The following FBXL17 variants were observed in gnomAD, a reference collection of about 807,000 sequenced individuals.
FBXL17 encodes F-box and leucine rich repeat protein 17.
In FBXL17, 22 loss-of-function variants were observed where a neutral mutation model predicts 66.2. That is an observed-to-expected ratio of 0.33 (90% CI 0.24 to 0.47). The LOEUF (loss-of-function observed/expected upper bound fraction) is 0.47. Among genes scored for constraint, FBXL17 ranks in the 20% least tolerant of loss-of-function variants. The probability of loss-of-function intolerance (pLI) is 1.00; values close to 1 mark genes in which losing one functional copy is unlikely to be tolerated. For missense variants in FBXL17, 878 were observed against 948.2 expected (o/e 0.93, Z 0.97); for synonymous variants, 474 against 400.5 (o/e 1.18, Z -2.19).
intron 7 of FBXL17, among the ~76,000 whole-genome samples, chr5:108,005,263 C>A (rs1050714614): frequency 6.6e-6 from 1 of 152,014 alleles, no homozygotes; most frequent in Admixed American, 6.5e-5. Flanking sequence ...CTGGACGATA[C>A]GTAAAGTATC....
At position 108,367,914 on chromosome 5, in the gene FBXL17, C is replaced by A; in HGVS notation, c.1033G>T (p.Ala345Ser). ...NLSLDERCLS[A>S]SLVCKYWRDL... ...CGCCAGTACTTGCAAACCAATGATG[C>A]GGAAAGGCAACGCTCATCCAGTGAC... The change falls in exon 2 of 9, where the codon GCA becomes TCA. Residue 345 changes from alanine to serine, a missense_variant. Physicochemically the swap from Ala to Ser is moderately conservative, Grantham distance 99. Around this residue, in one of 4 missense-constraint regions of FBXL17, gnomAD observed 6 missense variants for 22.6 expected, o/e 0.27. Coordinates refer to ENST00000542267, the MANE Select transcript of FBXL17 (RefSeq NM_001163315.3). 6.5e-7 allele frequency: 1 copy of A among 1,550,372 alleles called. No individual in the cohort carries two copies. The highest frequency in any genetic ancestry group is 8.7e-7 in the Non-Finnish European group (1 of 1,146,072).
intron 4 of FBXL17, among the ~76,000 whole-genome samples, chr5:108,263,284 T>C (rs1465637779): frequency 3.9e-5 from 6 of 152,022 alleles, no homozygotes; most frequent in Non-Finnish European, 7.4e-5. Context: ...CAAAATTAAA[T>C]TGAAAATAAA....
intron 7 of FBXL17, among the ~76,000 whole-genome samples, chr5:107,890,371 A>G (rs77205724): frequency 5.5e-4 from 84 of 151,856 alleles, no homozygotes; most frequent in Admixed American, 1.2e-3. Flanking sequence ...AAAAAAAAAA[A>G]CTGTCTGAAG....
intron 4 of FBXL17, among the ~76,000 whole-genome samples, chr5:108,316,222 A>G (rs1759355633): frequency 6.6e-6 from 1 of 150,442 alleles, no homozygotes; most frequent in Non-Finnish European, 1.5e-5. Context: ...TTCAAAGGAG[A>G]AAAAAAAACA....
At chr5:108,145,039 G>C (rs1300769648) in intron 6 of FBXL17, among the ~76,000 whole-genome samples, 1 of 151,994 alleles carries the variant, frequency 6.6e-6, no homozygotes, top group Non-Finnish European at 1.5e-5. Context: ...AAGAAAAAAT[G>C]GCATTAAGTA....
intron 6 of FBXL17, among the ~76,000 whole-genome samples, chr5:108,108,436 C>A (rs1749896328): frequency 6.6e-6 from 1 of 152,100 alleles, no homozygotes; most frequent in African/African-American, 2.4e-5. Context: ...ATCATGAGCT[C>A]TTTAGATATA....
At chr5:108,074,294 T>A (rs1001751742) in intron 6 of FBXL17, among the ~76,000 whole-genome samples, 3 of 146,046 alleles carry the variant, frequency 2.1e-5, no homozygotes, top group African/African-American at 7.6e-5. Context: ...TAAAATCTGA[T>A]AAGAGATTTG....
At chr5:107,959,381 A>AACACACACACACACACACACACACACAC (rs57041975) in intron 7 of FBXL17, among the ~76,000 whole-genome samples, 7 of 147,886 alleles carry the variant, frequency 4.7e-5, no homozygotes, top group Non-Finnish European at 8.9e-5. Context: ...GGCTGCTATA[A>AACACACACACACACACACACACACACAC]ACACACACAC....
chr5:108,035,144 A>G (rs1241540865), intron 6 of FBXL17, among the ~76,000 whole-genome samples: 1 of 152,164 alleles, frequency 6.6e-6, no homozygotes, highest in Non-Finnish European at 1.5e-5. Context: ...TACCTTTATA[A>G]ATAGTTATGT....
intron 6 of FBXL17, among the ~76,000 whole-genome samples, chr5:108,171,899 A>G (rs1752618303): frequency 6.6e-6 from 1 of 152,086 alleles, no homozygotes; most frequent in African/African-American, 2.4e-5. Context: ...GTCTCACAAG[A>G]TCTGATGGTT....
At chr5:108,243,718 A>C (rs1383415937) in intron 4 of FBXL17, among the ~76,000 whole-genome samples, 2 of 152,228 alleles carry the variant, frequency 1.3e-5, no homozygotes, top group Non-Finnish European at 2.9e-5. Flanking sequence ...AGACTAAAAA[A>C]GAAATGTACA....
intron 7 of FBXL17, among the ~76,000 whole-genome samples, chr5:107,927,579 C>T (rs1361618585): frequency 6.6e-6 from 1 of 152,078 alleles, no homozygotes; most frequent in Non-Finnish European, 1.5e-5. Context: ...TCTCATAAGG[C>T]TACTATGAAC....
chr5:108,090,041 C>T (rs1433532986), intron 6 of FBXL17, among the ~76,000 whole-genome samples: 1 of 152,080 alleles, frequency 6.6e-6, no homozygotes, highest in Non-Finnish European at 1.5e-5. Context: ...TTGATCAAGG[C>T]TGGTCTTGAA....
chr5:108,317,580 A>T lies in FBXL17; in HGVS notation c.1506+30819T>A, dbSNP rs556463469. ...TGTATAAATTAATAATCTGCTAAAA[A>T]TACTCTGTTATGGTATAAAAATTAG... On this transcript the variant is annotated intron_variant, in intron 4 of 8. Coordinates refer to ENST00000542267, the MANE Select transcript of FBXL17 (RefSeq NM_001163315.3). 3.3e-5 allele frequency among the ~76,000 whole-genome samples: 5 copies of T among 151,466 alleles called. No homozygotes were observed. In the South Asian group the frequency reaches 1.0e-3, roughly 31 times the overall value.
At position 108,381,355 on chromosome 5, in the gene FBXL17, C is replaced by T; in HGVS notation, c.337G>A (p.Ala113Thr). The T allele has an allele frequency of 2.2e-6, 3 of 1,358,516 alleles. No individual in the cohort carries two copies. The highest frequency in any genetic ancestry group is 2.8e-6 in the Non-Finnish European group (3 of 1,063,456). 84.2% of individuals were successfully genotyped at this position (1,358,516 alleles called of 1,614,324 possible). ...RYAALAAEDCAAAARRFLLSS... is the reference protein window; with the variant it reads ...RYAALAAEDCTAAARRFLLSS... ...AGCAGGAAGCGGCGGGCAGCAGCGG[C>T]GCAGTCCTCGGCGGCCAGGGCCGCG... The change falls in exon 1 of 9, where the codon GCC becomes ACC. Residue 113 changes from alanine to threonine, a missense_variant. Ala to Thr is a moderately conservative substitution (Grantham distance 58). This residue lies in a region of FBXL17 where 605 missense variants were observed against 509.5 expected (regional missense o/e 1.19). Coordinates refer to ENST00000542267, the MANE Select transcript of FBXL17 (RefSeq NM_001163315.3).
intron 4 of FBXL17, among the ~76,000 whole-genome samples, chr5:108,289,448 A>G (rs1029319844): frequency 3.3e-5 from 5 of 152,126 alleles, no homozygotes; most frequent in Admixed American, 6.6e-5. Flanking sequence ...ACCAAGACCA[A>G]TATGTAAAGA....
At chr5:108,033,149 C>T (rs751695661) in intron 6 of FBXL17, among the ~76,000 whole-genome samples, 1 of 152,132 alleles carries the variant, frequency 6.6e-6, no homozygotes, top group Non-Finnish European at 1.5e-5. Context: ...TTATCCATCA[C>T]TTAGATTCTA....
At chr5:108,371,842 C>G (rs1395229009) in intron 1 of FBXL17, among the ~76,000 whole-genome samples, 3 of 152,100 alleles carry the variant, frequency 2.0e-5, no homozygotes, top group Non-Finnish European at 4.4e-5. Context: ...TATAAATAAG[C>G]CAAAGATGAC....
intron 3 of FBXL17, among the ~76,000 whole-genome samples, chr5:108,355,147 C>T (rs1241399958): frequency 6.6e-6 from 1 of 151,694 alleles, no homozygotes; most frequent in Non-Finnish European, 1.5e-5. Flanking sequence ...CTTAATTAAG[C>T]TAGCAGATAA....
Sources: allele counts gnomAD v4.1 joint callset (sites outside exome capture counted in the v4.1 genomes callset), GRCh38; gene constraint gnomAD v4.1.1; regional missense constraint gnomAD v4.1.1; transcripts MANE v1.5; gene names NCBI Gene and HGNC (gene_info 2026-07-23, HGNC 2026-07-21).